The following GULP1 variants were observed in gnomAD, a reference collection of about 807,000 sequenced individuals.
GULP1 encodes PTB domain-containing engulfment adapter protein 1.
GULP1 carries 19 observed loss-of-function variants against 40.9 expected under a neutral mutation model. The ratio of observed to expected loss-of-function variants is 0.46; its 90% CI spans 0.32 to 0.68. The LOEUF is 0.68. Among genes scored for constraint, GULP1 ranks in the 30% least tolerant of loss-of-function variants. The pLI is 0.03. For synonymous variants in GULP1, 119 were observed against 117.6 expected (o/e 1.01, Z -0.08); for missense variants, 312 against 362.2 (o/e 0.86, Z 1.12).
intron 6 of GULP1, among the ~76,000 whole-genome samples, chr2:188,533,328 G>C (rs1338044623): frequency 6.6e-6 from 1 of 151,964 alleles, no homozygotes; most frequent in Non-Finnish European, 1.5e-5. Flanking sequence ...AATTAAAGCT[G>C]CACACCTACA....
At chr2:188,537,918 T>G (rs2153279608) in intron 6 of GULP1, among the ~76,000 whole-genome samples, 1 of 152,172 alleles carries the variant, frequency 6.6e-6, no homozygotes, top group East Asian at 1.9e-4. Context: ...TGTTGGGAGG[T>G]TCTGCGTTTC....
In GULP1 at chr2:188,508,979, T is replaced by C. The variant is rs80309667; in HGVS notation, c.91-13777T>C. ...TGCAGTTCAGTGGCATTAAAATTCA[T>C]AGACCTAGCAAGCAGCAGAGCCAGA... On this transcript the variant is annotated intron_variant, in intron 4 of 11. Transcript: ENST00000409830. Among the ~76,000 whole-genome samples the C allele has an allele frequency of 2.3e-3, 353 of 152,148 alleles. 5 individuals are homozygous for C. The highest frequency in any genetic ancestry group is 0.01 in the Middle Eastern group (3 of 294).
At chr2:188,471,952 C>T (rs1336495733) in intron 2 of GULP1, among the ~76,000 whole-genome samples, 1 of 152,132 alleles carries the variant, frequency 6.6e-6, no homozygotes, top group Non-Finnish European at 1.5e-5. Context: ...TAGGACAGGT[C>T]TCGTGTTGAT....
intron 2 of GULP1, among the ~76,000 whole-genome samples, chr2:188,421,565 TGA>T (rs1041181629): frequency 2.0e-5 from 3 of 152,190 alleles, no homozygotes; most frequent in Non-Finnish European, 4.4e-5. Flanking sequence ...AAATGTTTTT[TGA>T]GTGCCCAATA....
At chr2:188,546,614 A>G (rs1207664658) in intron 7 of GULP1, among the ~76,000 whole-genome samples, 2 of 152,074 alleles carry the variant, frequency 1.3e-5, no homozygotes, top group African/African-American at 4.8e-5. Flanking sequence ...GAAAGAGGAA[A>G]GTCTCAAATG....
chr2:188,479,875 G>C (rs183683945), intron 3 of GULP1, among the ~76,000 whole-genome samples: 3 of 152,130 alleles, frequency 2.0e-5, no homozygotes, highest in Non-Finnish European at 2.9e-5. Flanking sequence ...GAATAGTGGA[G>C]TGATTTGGAG....
At chr2:188,476,485 C>G (rs904172254) in intron 2 of GULP1, among the ~76,000 whole-genome samples, 2 of 151,944 alleles carry the variant, frequency 1.3e-5, no homozygotes, top group Non-Finnish European at 2.9e-5. Context: ...CATGAGTTTC[C>G]TTTGATTTCT....
intron 1 of GULP1, among the ~76,000 whole-genome samples, chr2:188,368,692 C>G (rs6739162): frequency 0.2 from 30,448 of 151,370 alleles, 3,245 homozygotes; most frequent in African/African-American, 0.26. Context: ...GTTTGCCCTA[C>G]TGTTCTTGTG....
At chr2:188,437,823 C>G (rs890547413) in intron 2 of GULP1, among the ~76,000 whole-genome samples, 1 of 152,084 alleles carries the variant, frequency 6.6e-6, no homozygotes, top group Admixed American at 6.6e-5. Context: ...AACTTAGGAA[C>G]AGAAAACCAA....
At chr2:188,500,672 T>G (rs2063345384) in intron 4 of GULP1, among the ~76,000 whole-genome samples, 1 of 151,972 alleles carries the variant, frequency 6.6e-6, no homozygotes, top group African/African-American at 2.4e-5. Flanking sequence ...GTTTGCGTAG[T>G]ACAGACATCA....
At chr2:188,412,037 G>A (rs775394979) in intron 2 of GULP1, among the ~76,000 whole-genome samples, 6 of 152,154 alleles carry the variant, frequency 3.9e-5, no homozygotes, top group Non-Finnish European at 8.8e-5. Context: ...AGGGTGGCAG[G>A]AGTGGATACC....
intron 7 of GULP1, among the ~76,000 whole-genome samples, chr2:188,546,480 G>A (rs907672815): frequency 2.0e-5 from 3 of 151,984 alleles, no homozygotes; most frequent in African/African-American, 7.2e-5. Flanking sequence ...ACATTAAATA[G>A]CGATTCACAA....
chr2:188,300,223 A>G (rs2035883214), intron 1 of GULP1, among the ~76,000 whole-genome samples: 1 of 152,180 alleles, frequency 6.6e-6, no homozygotes, highest in South Asian at 2.1e-4. Flanking sequence ...CATTAACTAT[A>G]TTGGGAGGAG....
At chr2:188,548,668 G>A (rs1017072934) in intron 7 of GULP1, among the ~76,000 whole-genome samples, 5 of 151,920 alleles carry the variant, frequency 3.3e-5, no homozygotes, top group African/African-American at 1.2e-4. Flanking sequence ...CATCTACCCT[G>A]TTTCAAGACT....
chr2:188,374,878 G>C (rs1238905018), intron 1 of GULP1, among the ~76,000 whole-genome samples: 1 of 152,110 alleles, frequency 6.6e-6, no homozygotes, highest in Non-Finnish European at 1.5e-5. Context: ...GTTAAATGCA[G>C]GGTGCAGGGT....
At chr2:188,571,650 G>T (rs1483282094) in intron 9 of GULP1, among the ~76,000 whole-genome samples, 1 of 152,028 alleles carries the variant, frequency 6.6e-6, no homozygotes, top group Non-Finnish European at 1.5e-5. Flanking sequence ...TCGCTGCTAG[G>T]GACAGAACAT....
At chr2:188,471,033 T>C (rs978749910) in intron 2 of GULP1, among the ~76,000 whole-genome samples, 8 of 152,186 alleles carry the variant, frequency 5.3e-5, no homozygotes, top group Admixed American at 1.3e-4. Flanking sequence ...TATTATTGTA[T>C]TGGAGTCTAA....
intron 7 of GULP1, among the ~76,000 whole-genome samples, chr2:188,566,835 C>T (rs1025507327): frequency 7.0e-6 from 1 of 142,886 alleles, no homozygotes; most frequent in African/African-American, 2.6e-5. Context: ...AAGGATACAT[C>T]GAAATCATAA....
intron 1 of GULP1, among the ~76,000 whole-genome samples, chr2:188,303,645 G>T (rs969664234): frequency 6.6e-6 from 1 of 152,198 alleles, no homozygotes; most frequent in Non-Finnish European, 1.5e-5. Context: ...TGGAGATTGG[G>T]TTGGAGGGAA....
Sources: allele counts gnomAD v4.1 joint callset (sites outside exome capture counted in the v4.1 genomes callset), GRCh38; gene constraint gnomAD v4.1.1; transcripts MANE v1.5; gene names NCBI Gene and HGNC (gene_info 2026-07-23, HGNC 2026-07-21).